Variants in GLMN observed in about 807,000 individuals in gnomAD.
GLMN encodes the protein glomulin, FKBP associated protein, also known as glomulin.
GLMN carries 75 observed loss-of-function variants against 87.8 expected under a neutral mutation model. That is an observed-to-expected ratio of 0.85 (90% CI 0.71 to 1.04). The LOEUF (loss-of-function observed/expected upper bound fraction) is 1.04. Ranked by LOEUF, GLMN falls within the 50% of genes least tolerant of loss-of-function variation. GLMN has a pLI of 0.00. For missense variants in GLMN, 588 were observed against 658.8 expected, an observed-to-expected ratio of 0.89 and a Z score of 1.18; for synonymous variants, 206 against 221.6, an observed-to-expected ratio of 0.93 and a Z score of 0.63.
rs191571332 is a variant in GLMN, at chr1:92,293,038, A to T, written c.166-1501T>A. Reference sequence around the variant, plus strand: ...CCCTATCTCAAAAAAATATATAAATAATGAAAAAGCAGATCTAACCCATCT... The same window carrying T: ...CCCTATCTCAAAAAAATATATAAATTATGAAAAAGCAGATCTAACCCATCT... On this transcript the variant is annotated intron_variant, in intron 3 of 18. Transcript: ENST00000370360. Among the ~76,000 whole-genome samples, 10 of 152,094 alleles carry T rather than the reference A, an allele frequency of 6.6e-5. No individual in the cohort carries two copies. The East Asian group carries it at 2.0e-3, about 30-fold the overall frequency.
chr1:92,338,628 C>G, the GLMN span, among the ~76,000 whole-genome samples: 1 of 149,490 alleles, frequency 6.7e-6, no homozygotes, highest in Non-Finnish European at 1.5e-5. Flanking sequence ...AAGGTCAGAT[C>G]AGGCAGAGGC....
chr1:92,249,063 T>A (rs913295800), intron 16 of GLMN, among the ~76,000 whole-genome samples: 2 of 152,112 alleles, frequency 1.3e-5, no homozygotes, highest in African/African-American at 4.8e-5. Context: ...TTATGACATA[T>A]TAACATAATG....
the GLMN span, chr1:92,323,823 A>G: frequency 6.2e-7 from 1 of 1,614,112 alleles, no homozygotes; most frequent in Non-Finnish European, 8.5e-7. Flanking sequence ...AGAGTTCTTC[A>G]AATAGCACTT....
At chr1:92,299,986 A>C (rs1315979566), upstream of GLMN, among the ~76,000 whole-genome samples, 6 of 152,322 alleles carry the variant, frequency 3.9e-5, no homozygotes, top group East Asian at 1.2e-3. Flanking sequence ...CTACTTACAC[A>C]CTAGGCTATA....
chr1:92,269,886 G>A (rs1656057674), intron 8 of GLMN, 110 bp from the exon 9 acceptor site: 1 of 749,348 alleles, frequency 1.3e-6, no homozygotes. Context: ...AGATATGTTG[G>A]AGTCCTAACC....
intron 7 of GLMN, among the ~76,000 whole-genome samples, chr1:92,283,092 AT>A (rs1648283929): frequency 6.6e-6 from 1 of 152,186 alleles, no homozygotes; most frequent in South Asian, 2.1e-4. Context: ...ATTCCAATCA[AT>A]AGAAAAAGAG....
intron 8 of GLMN, 32 bp from the exon 9 acceptor site, chr1:92,269,808 A>G (rs754506951): frequency 8.6e-6 from 11 of 1,272,134 alleles, no homozygotes; most frequent in East Asian, 7.0e-5. Flanking sequence ...TATATATATT[A>G]TACACACACA....
rs1461822210 is a variant in GLMN, at chr1:92,298,925, C to G, written c.-31G>C. The G allele has an allele frequency of 1.1e-5, 5 of 458,984 alleles. No individual in the cohort carries two copies. The Admixed American group carries it at 2.0e-4, about 19-fold the overall frequency. 28.4% of individuals were successfully genotyped at this position (458,984 alleles called of 1,614,324 possible). A position where few individuals can be genotyped will look rare whatever the true frequency, so the allele number is the denominator to read the frequency against. On this transcript the variant is annotated splice_region_variant and 5_prime_UTR_variant, in exon 1 of 19. Coordinates refer to ENST00000370360, the MANE Select transcript of GLMN (RefSeq NM_053274.3). ...TGAACCTCTCCACAACTCCACTTAC[C>G]GGCCAGAACCCTCGCCTCTCCCAGC...
chr1:92,268,740 T>C (rs1655920785), intron 9 of GLMN, among the ~76,000 whole-genome samples: 1 of 152,192 alleles, frequency 6.6e-6, no homozygotes, highest in African/African-American at 2.4e-5. Flanking sequence ...TGGTAAGAGA[T>C]GGGACTGATA....
At chr1:92,289,179 T>C (rs775064334) in intron 5 of GLMN, 28 bp from the exon 6 acceptor site, 10 of 1,268,464 alleles carry the variant, frequency 7.9e-6, no homozygotes, top group Non-Finnish European at 1.2e-5. Context: ...TTGTCGCTCA[T>C]CAAGTATGCT....
chr1:92,293,053 C>A (rs1649604529), intron 3 of GLMN, among the ~76,000 whole-genome samples: 1 of 151,810 alleles, frequency 6.6e-6, no homozygotes, highest in African/African-American at 2.4e-5. Context: ...AAAAGCAGAT[C>A]TAACCCATCT....
chr1:92,337,632 A>G, the GLMN span, among the ~76,000 whole-genome samples: 2 of 152,182 alleles, frequency 1.3e-5, no homozygotes, highest in South Asian at 4.1e-4. Context: ...ACTTTGAGTA[A>G]ACAAAATGTA....
At chr1:92,305,738 ATAT>A in the GLMN span, among the ~76,000 whole-genome samples, 3 of 152,320 alleles carry the variant, frequency 2.0e-5, no homozygotes, top group East Asian at 3.9e-4. Flanking sequence ...AAGATGCTAA[ATAT>A]TATCAGTAAT....
intron 3 of GLMN, 47 bp downstream of exon 3, chr1:92,297,357 T>C (rs1557576840): frequency 1.2e-6 from 2 of 1,605,076 alleles, no homozygotes; most frequent in Non-Finnish European, 1.7e-6. Flanking sequence ...CATCATGTGA[T>C]TATTCTCTTC....
At chr1:92,364,126 A>G in the GLMN span, among the ~76,000 whole-genome samples, 1 of 152,146 alleles carries the variant, frequency 6.6e-6, no homozygotes, top group South Asian at 2.1e-4. Context: ...GAGAAAATTG[A>G]CAAGTGACAT....
chr1:92,334,912 C>T, the GLMN span, among the ~76,000 whole-genome samples: 2 of 152,116 alleles, frequency 1.3e-5, no homozygotes, highest in African/African-American at 2.4e-5. Flanking sequence ...GGCCCGAACC[C>T]AGGAGGCGGA....
intron 4 of GLMN, among the ~76,000 whole-genome samples, chr1:92,290,953 C>T (rs1649337635): frequency 6.6e-6 from 1 of 152,206 alleles, no homozygotes; most frequent in African/African-American, 2.4e-5. Context: ...GATCTGTATT[C>T]TACCCTATTC....
chr1:92,340,633 T>C, the GLMN span, among the ~76,000 whole-genome samples: 1 of 152,164 alleles, frequency 6.6e-6, no homozygotes, highest in Non-Finnish European at 1.5e-5. Context: ...GCTCAGACAT[T>C]AGTATTTTCT....
chr1:92,256,350 C>T (rs1410105359), intron 16 of GLMN, among the ~76,000 whole-genome samples: 1 of 152,172 alleles, frequency 6.6e-6, no homozygotes, highest in Non-Finnish European at 1.5e-5. Context: ...ACCATTCCTT[C>T]TGAAACTTTT....
Sources: allele counts gnomAD v4.1 joint callset (sites outside exome capture counted in the v4.1 genomes callset), GRCh38; gene constraint gnomAD v4.1.1; transcripts MANE v1.5; gene names NCBI Gene and HGNC (gene_info 2026-07-23, HGNC 2026-07-21).